PHF14: variants seen among roughly 807,000 people sequenced by gnomAD.
PHF14 encodes the protein PHD finger protein 14.
Under a neutral mutation model 117.9 loss-of-function variants are expected in PHF14, and 55 were observed. That is an observed-to-expected ratio of 0.47 (90% CI 0.38 to 0.58). PHF14 has a LOEUF of 0.58. Ranked by LOEUF, PHF14 falls within the 20% of genes least tolerant of loss-of-function variation. The probability of loss-of-function intolerance (pLI) is 0.00; values close to 1 mark genes in which losing one functional copy is unlikely to be tolerated. For missense variants in PHF14, 978 were observed against 1,122.2 expected, an observed-to-expected ratio of 0.87 and a Z score of 1.84; for synonymous variants, 409 against 368.6, an observed-to-expected ratio of 1.11 and a Z score of -1.26.
intron 5 of PHF14, among the ~76,000 whole-genome samples, chr7:11,016,175 A>G (rs1172018634): frequency 6.6e-6 from 1 of 152,114 alleles, no homozygotes; most frequent in Non-Finnish European, 1.5e-5. Context: ...ATTCTTTTAT[A>G]TACTATTTGA....
At chr7:11,008,547 T>C (rs982636677) in intron 4 of PHF14, among the ~76,000 whole-genome samples, 1 of 152,144 alleles carries the variant, frequency 6.6e-6, no homozygotes, top group Non-Finnish European at 1.5e-5. Flanking sequence ...CTTATGAGAA[T>C]GTGATGCCTG....
At chr7:11,082,069 T>C (rs1360480628) in intron 16 of PHF14, among the ~76,000 whole-genome samples, 3 of 150,440 alleles carry the variant, frequency 2.0e-5, no homozygotes, top group Admixed American at 6.6e-5. Flanking sequence ...TCAATTTGAG[T>C]GCAGTGGCTC....
Position 11,013,240 on chromosome 7 carries a change from C to T in PHF14, c.1046-507C>T, listed in dbSNP as rs942759512. Among the ~76,000 whole-genome samples, 4 of 152,246 alleles carry T rather than the reference C, an allele frequency of 2.6e-5. 1 individual carries two copies. In the South Asian group the frequency reaches 6.2e-4, roughly 24 times the overall value. ...GCAGTGGCGCAATCTTGGCTCACTG[C>T]AACCTTTGCCTCCAGGGTTCAAGTG... On this transcript the variant is annotated intron_variant, in intron 4 of 17. Transcript: ENST00000634607.
intron 12 of PHF14, 41 bp from the exon 13 acceptor site, chr7:11,042,642 T>A (rs182269712): frequency 7.1e-7 from 1 of 1,411,606 alleles, no homozygotes; most frequent in East Asian, 2.4e-5. Flanking sequence ...TTCACTATGA[T>A]AATTATTATT....
chr7:11,161,451 A>T (rs1255030534), intron 17 of PHF14, among the ~76,000 whole-genome samples: 2 of 152,022 alleles, frequency 1.3e-5, no homozygotes, highest in African/African-American at 4.8e-5. Context: ...TGTATGACAA[A>T]CTTAGTTATC....
At chr7:11,096,018 G>A (rs1562464086) in intron 16 of PHF14, among the ~76,000 whole-genome samples, 1 of 152,124 alleles carries the variant, frequency 6.6e-6, no homozygotes, top group Non-Finnish European at 1.5e-5. Flanking sequence ...TTAGTCCACT[G>A]AGAATCCCAA....
At chr7:11,143,508 G>A (rs1052758612) in intron 17 of PHF14, among the ~76,000 whole-genome samples, 5 of 151,950 alleles carry the variant, frequency 3.3e-5, no homozygotes, top group South Asian at 2.1e-4. Context: ...ATTTTTGACT[G>A]TATTATTTTG....
chr7:11,136,531 A>T (rs1214131649), intron 17 of PHF14, among the ~76,000 whole-genome samples: 2 of 152,128 alleles, frequency 1.3e-5, no homozygotes, highest in Non-Finnish European at 2.9e-5. Context: ...TTTATGTTTA[A>T]GTCTTTTGCA....
chr7:11,019,861 T>C (rs1350901176), intron 5 of PHF14, among the ~76,000 whole-genome samples: 1 of 152,190 alleles, frequency 6.6e-6, no homozygotes, highest in Non-Finnish European at 1.5e-5. Context: ...TGTAGGTACC[T>C]ATAGCTATAA....
chr7:11,102,358 A>C (rs750549491), intron 16 of PHF14: 27 of 922,214 alleles, frequency 2.9e-5, no homozygotes, highest in Non-Finnish European at 4.0e-5. Context: ...TAGAGTATCT[A>C]TCTCTTTGGA....
At chr7:11,097,180 T>C (rs1450105214) in intron 16 of PHF14, among the ~76,000 whole-genome samples, 1 of 151,992 alleles carries the variant, frequency 6.6e-6, no homozygotes, top group African/African-American at 2.4e-5. Context: ...GGTTTCACCA[T>C]GTTGGTCCGG....
chr7:11,127,244 CTTT>C (rs10668180), intron 17 of PHF14, among the ~76,000 whole-genome samples: 1 of 145,080 alleles, frequency 6.9e-6, no homozygotes, highest in Non-Finnish European at 1.5e-5. Context: ...CTTGCCCCTC[CTTT>C]TTTTTTTTTG....
intron 17 of PHF14, among the ~76,000 whole-genome samples, chr7:11,160,865 T>A (rs7790388): frequency 0.02 from 3,109 of 152,252 alleles, 105 homozygotes; most frequent in African/African-American, 0.071. Context: ...CTGTAGGTTG[T>A]CTGTTTACTC....
intron 12 of PHF14, among the ~76,000 whole-genome samples, chr7:11,042,013 A>G (rs1203401100): frequency 6.6e-6 from 1 of 151,896 alleles, no homozygotes; most frequent in Admixed American, 6.6e-5. Flanking sequence ...CTTTTTGCAT[A>G]AGAGAAGTTA....
intron 7 of PHF14, among the ~76,000 whole-genome samples, chr7:11,030,433 C>G (rs927652057): frequency 6.6e-6 from 1 of 152,054 alleles, no homozygotes; most frequent in Non-Finnish European, 1.5e-5. Context: ...TGCACAGCAT[C>G]ATATGTCATC....
intron 4 of PHF14, among the ~76,000 whole-genome samples, chr7:11,003,111 C>G (rs1463175697): frequency 6.6e-6 from 1 of 151,996 alleles, no homozygotes; most frequent in Non-Finnish European, 1.5e-5. Flanking sequence ...CAGCTAATTT[C>G]TGTATTTTTA....
At chr7:11,055,484 G>A (rs1784986849) in intron 14 of PHF14, among the ~76,000 whole-genome samples, 2 of 151,998 alleles carry the variant, frequency 1.3e-5, no homozygotes, top group African/African-American at 2.4e-5. Context: ...ACAAATTCTG[G>A]TTGTGTTTTA....
intron 3 of PHF14, among the ~76,000 whole-genome samples, chr7:10,985,638 GTTTTTTTTTTTTTTT>G (rs61250143): frequency 3.5e-4 from 16 of 45,962 alleles, no homozygotes; most frequent in South Asian, 1.1e-3. Context: ...TTCTCAAACT[GTTTTTTTTTTTTTTT>G]TTTTTTTTTT....
In PHF14 at chr7:11,146,446, C is replaced by G. The variant is rs550605087; in HGVS notation, c.2773-22970C>G. Among the ~76,000 whole-genome samples, 38 of 152,280 alleles carry G rather than the reference C, an allele frequency of 2.5e-4. No individual in the cohort carries two copies. The South Asian group carries it at 7.0e-3, about 28-fold the overall frequency. ...AAATTTCTAAATAGTTATCTAGACT[C>G]AGGACCTCCATTTCTTCACCTCCAT... is the stretch of plus-strand genomic sequence containing the variant. On this transcript the variant is annotated intron_variant, in intron 17 of 17. Transcript: ENST00000634607.
Sources: allele counts gnomAD v4.1 joint callset (sites outside exome capture counted in the v4.1 genomes callset), GRCh38; gene constraint gnomAD v4.1.1; transcripts MANE v1.5; gene names NCBI Gene and HGNC (gene_info 2026-07-23, HGNC 2026-07-21).